The following CSMD1 variants were observed in gnomAD, a reference collection of about 807,000 sequenced individuals.
CSMD1 encodes CUB and Sushi multiple domains 1, also known as CUB and sushi domain-containing protein 1.
Under a neutral mutation model 417.5 loss-of-function variants are expected in CSMD1, and 213 were observed. The ratio of observed to expected loss-of-function variants is 0.51; its 90% confidence interval spans 0.46 to 0.57. The LOEUF is 0.57. Ranked by LOEUF, CSMD1 falls within the 20% of genes least tolerant of loss-of-function variation. CSMD1 has a pLI of 0.00. For synonymous variants in CSMD1, 2,862 were observed against 1,736.8 expected (o/e 1.65, Z -16.11); for missense variants, 6,923 against 4,529.7 (o/e 1.53, Z -15.17).
chr8:4,616,049 C>T (rs1423815332), intron 2 of CSMD1, among the ~76,000 whole-genome samples: 2 of 152,142 alleles, frequency 1.3e-5, no homozygotes, highest in African/African-American at 4.8e-5. Flanking sequence ...CTTAGTTCTA[C>T]CCAATAGTCT....
chr8:3,009,894 C>G (rs140419559), intron 52 of CSMD1, among the ~76,000 whole-genome samples: 37 of 152,272 alleles, frequency 2.4e-4, no homozygotes, highest in African/African-American at 8.2e-4. Context: ...CTTTTTTAAA[C>G]CAGTTTGGTT....
intron 26 of CSMD1, among the ~76,000 whole-genome samples, chr8:3,283,712 A>G (rs1039079549): frequency 6.6e-6 from 1 of 152,186 alleles, no homozygotes; most frequent in Non-Finnish European, 1.5e-5. Flanking sequence ...TGCAGAGGAA[A>G]GGAATGAAGA....
chr8:3,815,086 G>C (rs1486425012), intron 5 of CSMD1, among the ~76,000 whole-genome samples: 1 of 152,158 alleles, frequency 6.6e-6, no homozygotes, highest in African/African-American at 2.4e-5. Context: ...CCTGATATTT[G>C]AGCTGTACAT....
At chr8:3,811,554 C>G (rs576003025) in intron 5 of CSMD1, among the ~76,000 whole-genome samples, 2 of 152,044 alleles carry the variant, frequency 1.3e-5, no homozygotes, top group African/African-American at 4.8e-5. Flanking sequence ...TTTCTCTGCA[C>G]GCCTGACCAC....
At position 3,322,370 on chromosome 8, in the gene CSMD1, A is replaced by G. The variant is rs535823934; in HGVS notation, c.3632-13867T>C. Among the ~76,000 whole-genome samples the G allele has an allele frequency of 1.3e-4, 20 of 152,360 alleles. 1 individual carries two copies. In the East Asian group the frequency reaches 3.5e-3, roughly 26 times the overall value. On this transcript the variant is annotated intron_variant, in intron 23 of 69. Transcript: ENST00000635120. ...AACATTCAAATTAATAAGAACATAT[A>G]TAAGAATGAGCAATTTCTTAGTATT... is the stretch of plus-strand genomic sequence containing the variant.
chr8:3,223,490 T>C (rs551924002), intron 28 of CSMD1, among the ~76,000 whole-genome samples: 65 of 152,296 alleles, frequency 4.3e-4, no homozygotes, highest in African/African-American at 1.2e-3. Context: ...ATGGGACACA[T>C]TGTGTGCAAG....
intron 1 of CSMD1, among the ~76,000 whole-genome samples, chr8:4,956,471 T>A (rs1809118826): frequency 6.7e-6 from 1 of 148,534 alleles, no homozygotes; most frequent in African/African-American, 2.4e-5. Context: ...TTAAATATAT[T>A]ATAAAATGCA....
At chr8:3,631,458 C>G (rs1796780228) in intron 7 of CSMD1, among the ~76,000 whole-genome samples, 1 of 152,154 alleles carries the variant, frequency 6.6e-6, no homozygotes, top group South Asian at 2.1e-4. Context: ...CAAGAATAGG[C>G]AGATAAAACA....
At chr8:4,563,226 C>T (rs1471020934) in intron 2 of CSMD1, among the ~76,000 whole-genome samples, 6 of 152,040 alleles carry the variant, frequency 3.9e-5, no homozygotes, top group Non-Finnish European at 8.8e-5. Flanking sequence ...ACGGTGAAAC[C>T]CCGTCTCTAC....
chr8:3,918,940 G>C (rs919141964), intron 5 of CSMD1, among the ~76,000 whole-genome samples: 1 of 64,060 alleles, frequency 1.6e-5, no homozygotes, highest in African/African-American at 4.4e-5. Context: ...GGGCTGCTCG[G>C]GTGATGGGTA....
intron 3 of CSMD1, among the ~76,000 whole-genome samples, chr8:4,310,538 C>A (rs1332928084): frequency 6.2e-5 from 9 of 144,920 alleles, no homozygotes; most frequent in Non-Finnish European, 1.1e-4. Flanking sequence ...TCTTTGGACA[C>A]AATAAAATCT....
At chr8:3,860,113 T>C (rs763854472) in intron 5 of CSMD1, among the ~76,000 whole-genome samples, 7 of 152,130 alleles carry the variant, frequency 4.6e-5, no homozygotes, top group African/African-American at 1.2e-4. Context: ...TGCCTTCATA[T>C]TGATCCCCTT....
chr8:4,194,952 A>G (rs1481029082), intron 3 of CSMD1, among the ~76,000 whole-genome samples: 1 of 152,180 alleles, frequency 6.6e-6, no homozygotes, highest in Non-Finnish European at 1.5e-5. Context: ...CCCCGGGTGA[A>G]AATGAATATG....
chr8:4,311,925 G>C (rs1186033666), intron 3 of CSMD1, among the ~76,000 whole-genome samples: 1 of 151,876 alleles, frequency 6.6e-6, no homozygotes, highest in East Asian at 1.9e-4. Context: ...TTATTTACCT[G>C]TGTAACAAAC....
At chr8:3,055,901 A>G (rs1406501451) in intron 49 of CSMD1, among the ~76,000 whole-genome samples, 1 of 152,212 alleles carries the variant, frequency 6.6e-6, no homozygotes, top group African/African-American at 2.4e-5. Context: ...CGCTCAGGTT[A>G]TTAAGACCTA....
At chr8:4,249,608 G>T (rs544597350) in intron 3 of CSMD1, among the ~76,000 whole-genome samples, 1 of 152,202 alleles carries the variant, frequency 6.6e-6, no homozygotes, top group Non-Finnish European at 1.5e-5. Flanking sequence ...ATGGTGTTAA[G>T]AAATGTTTTC....
chr8:3,017,301 T>C lies in CSMD1; in HGVS notation c.8029+1176A>G, dbSNP rs139199256. 6.7e-3 allele frequency among the ~76,000 whole-genome samples: 1,023 copies of C among 152,224 alleles called. 13 individuals carry two copies. The highest frequency in any genetic ancestry group is 0.017 in the Middle Eastern group (5 of 294). On this transcript the variant is annotated intron_variant, in intron 52 of 69. Coordinates refer to ENST00000635120, the MANE Select transcript of CSMD1 (RefSeq NM_033225.6). ...CTGCCTAAAGGAGAGTGCTGTTCCA[T>C]AGCCAATTTCAGAAGGATATTTAGG...
At chr8:4,367,804 T>G (rs1416417770) in intron 3 of CSMD1, among the ~76,000 whole-genome samples, 1 of 152,178 alleles carries the variant, frequency 6.6e-6, no homozygotes, top group East Asian at 1.9e-4. Context: ...CCCTAGGTAT[T>G]TTATTCTTTG....
chr8:3,086,233 G>C (rs1240720090), intron 49 of CSMD1, among the ~76,000 whole-genome samples: 2 of 152,104 alleles, frequency 1.3e-5, no homozygotes, highest in East Asian at 3.8e-4. Context: ...AATGAAGTAA[G>C]CTGCTTGAGT....
Sources: gnomAD v4.1 joint callset for allele counts (sites outside exome capture counted in the v4.1 genomes callset) on GRCh38, gnomAD v4.1.1 for gene constraint, MANE v1.5 for transcripts, NCBI Gene and HGNC (gene_info 2026-07-23, HGNC 2026-07-21) for gene names.